The following MTMR2 variants were observed in gnomAD, a reference collection of about 807,000 sequenced individuals.
The protein encoded by MTMR2 is myotubularin related protein 2, also known as phosphatidylinositol-3,5-bisphosphate 3-phosphatase MTMR2.
MTMR2 carries 55 observed loss-of-function variants against 86.9 expected under a neutral mutation model. The ratio of observed to expected loss-of-function variants is 0.63; its 90% confidence interval spans 0.51 to 0.79. The LOEUF (loss-of-function observed/expected upper bound fraction) is 0.79. Ranked by LOEUF, MTMR2 falls within the 30% of genes least tolerant of loss-of-function variation. The probability of loss-of-function intolerance (pLI) is 0.00; values close to 1 mark genes in which losing one functional copy is unlikely to be tolerated. For synonymous variants in MTMR2, 241 were observed against 266.8 expected, an observed-to-expected ratio of 0.90 and a Z score of 0.94; for missense variants, 659 against 772.3, an observed-to-expected ratio of 0.85 and a Z score of 1.74.
intron 1 of MTMR2, among the ~76,000 whole-genome samples, chr11:95,898,497 T>G (rs1293737593): frequency 6.6e-6 from 1 of 151,862 alleles, no homozygotes; most frequent in African/African-American, 2.4e-5. Context: ...ACAGCAACAG[T>G]GAGACGCTGT....
chr11:95,905,384 A>C (rs1484808752), intron 1 of MTMR2, among the ~76,000 whole-genome samples: 1 of 150,940 alleles, frequency 6.6e-6, no homozygotes, highest in Non-Finnish European at 1.5e-5. Context: ...AACACATACC[A>C]CTGCTTAAAA....
At position 95,888,179 on chromosome 11, in the gene MTMR2, C is replaced by A; in HGVS notation, c.163G>T (p.Asp55Tyr). 1 of 1,612,628 alleles carries A rather than the reference C, an allele frequency of 6.2e-7. No homozygotes were observed. Among genetic ancestry groups the A allele is most frequent in the Non-Finnish European group, 8.5e-7 (1 of 1,179,044 alleles). The change falls in exon 2 of 15, where the codon GAC (aspartate) becomes TAC (tyrosine). Residue 55 changes from aspartate to tyrosine, a missense_variant. This residue lies in a region of MTMR2 where 387 missense variants were observed against 526.3 expected (regional missense o/e 0.74). Transcript: ENST00000346299. ...VSSDSISTSA[D>Y]NFSPDLRVLR... Reference sequence around the variant, plus strand: ...ACCCTCAAATCAGGAGAAAAGTTGTCGGCAGAAGTTGAAATGGAATCTGAT... The same window carrying A: ...ACCCTCAAATCAGGAGAAAAGTTGTAGGCAGAAGTTGAAATGGAATCTGAT...
intron 1 of MTMR2, among the ~76,000 whole-genome samples, chr11:95,911,245 C>T (rs1349865772): frequency 6.6e-6 from 1 of 152,120 alleles, no homozygotes; most frequent in Non-Finnish European, 1.5e-5. Flanking sequence ...TGACCCTGGA[C>T]ACAGTTATCA....
chr11:95,861,116 T>C (rs186774476), intron 5 of MTMR2, among the ~76,000 whole-genome samples: 1,577 of 145,260 alleles, frequency 0.011, 26 homozygotes, highest in Non-Finnish European at 0.011. Context: ...GCTGAGATTG[T>C]GCCAGCCTGG....
At chr11:95,918,682 ACT>A (rs893447644) in intron 1 of MTMR2, among the ~76,000 whole-genome samples, 1 of 152,160 alleles carries the variant, frequency 6.6e-6, no homozygotes, top group African/African-American at 2.4e-5. Context: ...TGGTAGCTTT[ACT>A]CTGTTTTACA....
In MTMR2 at chr11:95,835,022, TC is replaced by T; in HGVS notation, c.*267del. On this transcript the variant is annotated 3_prime_UTR_variant, in exon 15 of 15. Transcript: ENST00000346299. ...CATTTGCCTTTTAATAGAAACTTGT[TC>T]CCACTGTGAATCCAGGATTGAAGTA... The T allele has an allele frequency of 2.3e-6, 1 of 430,972 alleles. No homozygotes were observed. The highest frequency in any genetic ancestry group is 4.3e-6 in the Non-Finnish European group (1 of 233,922). 26.7% of individuals were successfully genotyped at this position (430,972 alleles called of 1,614,324 possible).
chr11:95,837,722 G>A (rs567789556), intron 13 of MTMR2, among the ~76,000 whole-genome samples: 1 of 152,100 alleles, frequency 6.6e-6, no homozygotes, highest in Admixed American at 6.6e-5. Flanking sequence ...AATTTGAGCT[G>A]CCTATTCACT....
At chr11:95,920,012 T>C (rs1445521694) in intron 1 of MTMR2, among the ~76,000 whole-genome samples, 3 of 152,196 alleles carry the variant, frequency 2.0e-5, no homozygotes, top group Non-Finnish European at 2.9e-5. Context: ...GTGTAACTCA[T>C]TACAGTTCTG....
At chr11:95,887,257 G>A (rs1591024025) in intron 2 of MTMR2, among the ~76,000 whole-genome samples, 1 of 152,110 alleles carries the variant, frequency 6.6e-6, no homozygotes, top group African/African-American at 2.4e-5. Context: ...CAGTGAGAAA[G>A]CAGCCACATG....
At chr11:95,864,292 G>A (rs1864527677) in intron 3 of MTMR2, among the ~76,000 whole-genome samples, 1 of 152,128 alleles carries the variant, frequency 6.6e-6, no homozygotes, top group Admixed American at 6.6e-5. Flanking sequence ...AGGGAAATGG[G>A]TCAAGGATGA....
At chr11:95,881,116 T>C (rs551249056) in intron 2 of MTMR2, among the ~76,000 whole-genome samples, 1 of 151,906 alleles carries the variant, frequency 6.6e-6, no homozygotes, top group South Asian at 2.1e-4. Context: ...GTGTGTGAGT[T>C]AGAAATTCAA....
At chr11:95,905,801 A>G (rs1866251732) in intron 1 of MTMR2, among the ~76,000 whole-genome samples, 1 of 152,188 alleles carries the variant, frequency 6.6e-6, no homozygotes, top group Non-Finnish European at 1.5e-5. Context: ...AGCAATAAAA[A>G]TAGTAGGCCA....
At chr11:95,867,290 T>G (rs1864651267) in intron 2 of MTMR2, among the ~76,000 whole-genome samples, 1 of 152,230 alleles carries the variant, frequency 6.6e-6, no homozygotes, top group South Asian at 2.1e-4. Context: ...TTGTGGCTGC[T>G]ACAGCACTGC....
At chr11:95,854,633 T>C (rs1273015219) in intron 7 of MTMR2, among the ~76,000 whole-genome samples, 2 of 151,436 alleles carry the variant, frequency 1.3e-5, no homozygotes, top group Admixed American at 6.6e-5. Flanking sequence ...GCCTGGCTAA[T>C]TTTTGTATTT....
intron 1 of MTMR2, among the ~76,000 whole-genome samples, chr11:95,903,705 A>G (rs1866155875): frequency 6.6e-6 from 1 of 152,184 alleles, no homozygotes; most frequent in African/African-American, 2.4e-5. Flanking sequence ...ACTCAAAAAT[A>G]CAGAACCAAA....
chr11:95,902,189 A>G (rs1322600407), intron 1 of MTMR2, among the ~76,000 whole-genome samples: 1 of 152,146 alleles, frequency 6.6e-6, no homozygotes, highest in East Asian at 1.9e-4. Context: ...TCTATGTAAA[A>G]TGGCGATGGT....
chr11:95,915,493 C>T (rs1241964497), intron 1 of MTMR2, among the ~76,000 whole-genome samples: 1 of 152,062 alleles, frequency 6.6e-6, no homozygotes, highest in Non-Finnish European at 1.5e-5. Context: ...AAATTATATG[C>T]TTAAAATATT....
intron 1 of MTMR2, among the ~76,000 whole-genome samples, chr11:95,917,754 T>C: frequency 6.6e-6 from 1 of 152,138 alleles, no homozygotes; most frequent in South Asian, 2.1e-4. Context: ...TGGGTCATCA[T>C]AAAGTTTGTT....
intron 5 of MTMR2, among the ~76,000 whole-genome samples, chr11:95,860,911 A>G (rs1864393860): frequency 6.6e-6 from 1 of 152,152 alleles, no homozygotes; most frequent in South Asian, 2.1e-4. Context: ...TAATCCCAGC[A>G]CTTTGAGAGG....
Sources: gnomAD v4.1 joint callset for allele counts (sites outside exome capture counted in the v4.1 genomes callset) on GRCh38, gnomAD v4.1.1 for gene constraint, gnomAD v4.1.1 regional missense constraint, MANE v1.5 for transcripts, NCBI Gene and HGNC (gene_info 2026-07-23, HGNC 2026-07-21) for gene names.